Variants in CMTM8 observed in about 807,000 individuals in gnomAD.
CMTM8 encodes CKLF like MARVEL transmembrane domain containing 8.
A neutral mutation model predicts 18.6 loss-of-function variants in CMTM8; 12 were observed. That is an observed-to-expected ratio of 0.65 (90% CI 0.41 to 1.05). The LOEUF is 1.05. Among genes scored for constraint, CMTM8 ranks in the 50% least tolerant of loss-of-function variants. The pLI is 0.00. For synonymous variants in CMTM8, 87 were observed against 90.6 expected (o/e 0.96, Z 0.23); for missense variants, 217 against 227.2 (o/e 0.95, Z 0.29).
At chr3:32,262,170 C>G (rs1330726463) in intron 1 of CMTM8, among the ~76,000 whole-genome samples, 10 of 152,176 alleles carry the variant, frequency 6.6e-5, no homozygotes, top group Admixed American at 6.5e-4. Context: ...TGCCCCCTGA[C>G]TTGCCTCTCA....
chr3:32,281,798 A>AGG lies in CMTM8; in HGVS notation c.147+42680_147+42681dup, dbSNP rs774112033. Among the ~76,000 whole-genome samples the AGG allele has an allele frequency of 8.1e-4, 123 of 152,310 alleles. 1 individual carries two copies. The highest frequency in any genetic ancestry group is 1.5e-3 in the Non-Finnish European group (101 of 68,022). ...TCAGTGCTTATCATACTGAGCCTGA[A>AGG]GGCCACATTGACACAGTTGACCCCT... On this transcript the variant is annotated intron_variant, in intron 1 of 3. Coordinates refer to ENST00000307526, the MANE Select transcript of CMTM8 (RefSeq NM_178868.5).
intron 1 of CMTM8, among the ~76,000 whole-genome samples, chr3:32,242,252 G>C (rs1180667613): frequency 6.6e-6 from 1 of 152,236 alleles, no homozygotes; most frequent in East Asian, 1.9e-4. Context: ...ACTAGGTAGA[G>C]AGTGTTAGAC....
chr3:32,272,707 A>G (rs1045615625), intron 1 of CMTM8, among the ~76,000 whole-genome samples: 4 of 152,226 alleles, frequency 2.6e-5, no homozygotes, highest in Non-Finnish European at 5.9e-5. Context: ...ATGTGGGGCT[A>G]TAAATTGAAA....
intron 1 of CMTM8, among the ~76,000 whole-genome samples, chr3:32,296,477 C>A (rs1702881432): frequency 6.6e-6 from 1 of 152,234 alleles, no homozygotes. Flanking sequence ...TGGCTCTCCT[C>A]ACTGGGGCCA....
intron 1 of CMTM8, among the ~76,000 whole-genome samples, chr3:32,305,394 A>G (rs1695699163): frequency 6.6e-6 from 1 of 152,126 alleles, no homozygotes; most frequent in African/African-American, 2.4e-5. Flanking sequence ...TATTGGCATC[A>G]GGTACAAAAT....
At chr3:32,301,663 T>A (rs1695620907) in intron 1 of CMTM8, among the ~76,000 whole-genome samples, 1 of 151,818 alleles carries the variant, frequency 6.6e-6, no homozygotes, top group Admixed American at 6.6e-5. Flanking sequence ...TGGGGATTCC[T>A]GAAATCTCAT....
At chr3:32,328,736 T>C (rs1174330185) in intron 1 of CMTM8, among the ~76,000 whole-genome samples, 1 of 152,038 alleles carries the variant, frequency 6.6e-6, no homozygotes, top group East Asian at 1.9e-4. Flanking sequence ...AATTGGATAA[T>C]CTAGAAGAAC....
At chr3:32,357,287 T>C (rs9810923) in intron 1 of CMTM8, 86 bp from the exon 2 acceptor site, 216,589 of 924,508 alleles carry the variant, frequency 0.23, 28,774 homozygotes, top group East Asian at 0.32. Context: ...TCTGTATAAT[T>C]ATTTTTTTTT....
chr3:32,256,276 C>T (rs1367961609), intron 1 of CMTM8, among the ~76,000 whole-genome samples: 1 of 151,998 alleles, frequency 6.6e-6, no homozygotes, highest in Non-Finnish European at 1.5e-5. Context: ...CACTTTGTTG[C>T]CCAGGCGGGT....
intron 1 of CMTM8, among the ~76,000 whole-genome samples, chr3:32,300,286 T>C (rs987403061): frequency 6.6e-6 from 1 of 152,200 alleles, no homozygotes; most frequent in African/African-American, 2.4e-5. Flanking sequence ...TCCTTCCAGG[T>C]ATGGGGCAGG....
At chr3:32,289,779 C>T (rs1487920243) in intron 1 of CMTM8, among the ~76,000 whole-genome samples, 2 of 152,130 alleles carry the variant, frequency 1.3e-5, no homozygotes, top group African/African-American at 2.4e-5. Flanking sequence ...TTATATTCAT[C>T]GTAGGCCCTG....
intron 1 of CMTM8, among the ~76,000 whole-genome samples, chr3:32,285,532 T>A (rs958844568): frequency 2.0e-5 from 3 of 149,610 alleles, no homozygotes; most frequent in Admixed American, 6.7e-5. Flanking sequence ...AAAAATTAAA[T>A]TAATAATAAT....
At chr3:32,319,072 A>ATTTTT (rs1559378745) in intron 1 of CMTM8, among the ~76,000 whole-genome samples, 42 of 24,406 alleles carry the variant, frequency 1.7e-3, no homozygotes, top group Non-Finnish European at 2.5e-3. Flanking sequence ...ATATATATAT[A>ATTTTT]TATTTTTTTT....
At chr3:32,279,448 G>A (rs1326979520) in intron 1 of CMTM8, among the ~76,000 whole-genome samples, 3 of 109,342 alleles carry the variant, frequency 2.7e-5, no homozygotes, top group African/African-American at 7.4e-5. Flanking sequence ...TTGTTCTTGC[G>A]ATAGTTTACT....
chr3:32,276,405 G>A (rs933463889), intron 1 of CMTM8, among the ~76,000 whole-genome samples: 5 of 152,140 alleles, frequency 3.3e-5, no homozygotes, highest in African/African-American at 1.2e-4. Flanking sequence ...CAGCAATGCC[G>A]TGGATATTTC....
intron 1 of CMTM8, among the ~76,000 whole-genome samples, chr3:32,314,455 G>T (rs1456130818): frequency 6.6e-6 from 1 of 150,676 alleles, no homozygotes; most frequent in Non-Finnish European, 1.5e-5. Flanking sequence ...TGGGGAGAGG[G>T]TGGGTAGGCA....
rs1428696275 is a variant in CMTM8 at position 32,259,996 on chromosome 3, G to A, written c.147+20877G>A. On this transcript the variant is annotated intron_variant, in intron 1 of 3. Coordinates refer to ENST00000307526, the MANE Select transcript of CMTM8 (RefSeq NM_178868.5). ...TGGAGTCAGAGCTGGCACTGACCCA[G>A]GCAGAGGGACAGCACCAGGCCCAGG... is the stretch of plus-strand genomic sequence containing the variant. The A allele has an allele frequency of 9.9e-6, 11 of 1,115,956 alleles. No individual in the cohort carries two copies. The Admixed American group carries it at 1.5e-4, about 16-fold the overall frequency. 69.1% of individuals were successfully genotyped at this position (1,115,956 alleles called of 1,614,324 possible). A position where few individuals can be genotyped will look rare whatever the true frequency, so the allele number is the denominator to read the frequency against.
intron 2 of CMTM8, among the ~76,000 whole-genome samples, chr3:32,360,132 T>C (rs140258018): frequency 2.0e-5 from 3 of 152,352 alleles, no homozygotes; most frequent in African/African-American, 4.8e-5. Context: ...ACCAGTCAGG[T>C]TGTACAAGTG....
chr3:32,254,129 G>A (rs1221836281), intron 1 of CMTM8, among the ~76,000 whole-genome samples: 5 of 152,104 alleles, frequency 3.3e-5, no homozygotes, highest in Admixed American at 2.0e-4. Flanking sequence ...CCTGACCTCA[G>A]GTAATCCACC....
Sources: gnomAD v4.1 joint callset for allele counts (sites outside exome capture counted in the v4.1 genomes callset) on GRCh38, gnomAD v4.1.1 for gene constraint, MANE v1.5 for transcripts, NCBI Gene and HGNC (gene_info 2026-07-23, HGNC 2026-07-21) for gene names.